CNTN5: variants seen among roughly 807,000 people sequenced by gnomAD.
CNTN5 encodes the protein contactin-5.
In CNTN5, 77 loss-of-function variants were observed where a neutral mutation model predicts 129.1. The observed-to-expected ratio is 0.60, with a 90% CI of 0.50 to 0.72. CNTN5 has a LOEUF of 0.72. Ranked by LOEUF, CNTN5 falls within the 30% of genes least tolerant of loss-of-function variation. The pLI, the probability that CNTN5 is intolerant of heterozygous loss-of-function variation, is 0.00. For synonymous variants in CNTN5, 509 were observed against 465.6 expected (o/e 1.09, Z -1.20); for missense variants, 1,478 against 1,328.8 (o/e 1.11, Z -1.75).
chr11:100,023,481 C>T (rs1015986551), intron 9 of CNTN5, among the ~76,000 whole-genome samples: 1 of 152,214 alleles, frequency 6.6e-6, no homozygotes, highest in African/African-American at 2.4e-5. Flanking sequence ...ACATTTTTTA[C>T]AACTGAGACA....
chr11:99,082,921 G>A (rs888276116), intron 1 of CNTN5, among the ~76,000 whole-genome samples: 8 of 151,978 alleles, frequency 5.3e-5, no homozygotes, highest in African/African-American at 1.2e-4. Flanking sequence ...AGGGAAATAC[G>A]CCAGAATCTT....
At chr11:99,823,298 T>C (rs1042532120) in intron 4 of CNTN5, among the ~76,000 whole-genome samples, 1 of 152,212 alleles carries the variant, frequency 6.6e-6, no homozygotes, top group African/African-American at 2.4e-5. Flanking sequence ...CTTTAAAGTT[T>C]CCTTTATATG....
chr11:100,091,923 A>G (rs962139470), intron 13 of CNTN5, among the ~76,000 whole-genome samples: 1 of 152,098 alleles, frequency 6.6e-6, no homozygotes, highest in East Asian at 1.9e-4. Context: ...CCATGACTCA[A>G]CCTCACAAAA....
chr11:100,200,589 G>A (rs1274256910), intron 15 of CNTN5, among the ~76,000 whole-genome samples: 1 of 151,830 alleles, frequency 6.6e-6, no homozygotes, highest in Admixed American at 6.6e-5. Flanking sequence ...TATTGTCAGA[G>A]AGAGAATATA....
At chr11:100,196,969 G>T (rs569801168) in intron 15 of CNTN5, among the ~76,000 whole-genome samples, 1 of 152,080 alleles carries the variant, frequency 6.6e-6, no homozygotes, top group Non-Finnish European at 1.5e-5. Flanking sequence ...CCATTTAAGG[G>T]TAGAAATTGC....
At chr11:100,239,627 A>G (rs1042897341) in intron 16 of CNTN5, among the ~76,000 whole-genome samples, 1 of 152,206 alleles carries the variant, frequency 6.6e-6, no homozygotes, top group Non-Finnish European at 1.5e-5. Flanking sequence ...ACACTAAAAG[A>G]TTTGAAAATA....
intron 1 of CNTN5, among the ~76,000 whole-genome samples, chr11:99,052,842 A>G (rs1287432494): frequency 1.3e-5 from 2 of 151,892 alleles, no homozygotes; most frequent in Non-Finnish European, 2.9e-5. Flanking sequence ...GCCTAGTCTC[A>G]GACTTTTTCA....
intron 3 of CNTN5, among the ~76,000 whole-genome samples, chr11:99,814,432 A>G (rs1946518991): frequency 6.6e-6 from 1 of 152,204 alleles, no homozygotes; most frequent in South Asian, 2.1e-4. Flanking sequence ...GACCAGGAAA[A>G]TGAAGTAGTG....
chr11:99,399,847 A>G (rs1416299365), intron 2 of CNTN5, among the ~76,000 whole-genome samples: 1 of 151,164 alleles, frequency 6.6e-6, no homozygotes, highest in Non-Finnish European at 1.5e-5. Flanking sequence ...CTTTTTTTCT[A>G]TAATTTTTTA....
intron 20 of CNTN5, among the ~76,000 whole-genome samples, chr11:100,303,535 A>G (rs1020782056): frequency 2.0e-4 from 30 of 149,296 alleles, no homozygotes; most frequent in African/African-American, 7.1e-4. Context: ...ACAGTTAATT[A>G]TAGGTTGAAA....
chr11:100,251,755 C>G (rs1158304953), intron 16 of CNTN5, among the ~76,000 whole-genome samples: 2 of 152,094 alleles, frequency 1.3e-5, no homozygotes, highest in East Asian at 1.9e-4. Context: ...GAATTACATT[C>G]TTTTTATGGC....
At chr11:99,348,262 C>T (rs11219504) in intron 2 of CNTN5, among the ~76,000 whole-genome samples, 150,307 of 151,844 alleles carry the variant, frequency 0.99, 74,413 homozygotes, top group East Asian at 1. Flanking sequence ...TGGCGTGAAC[C>T]CAGGAGGCGG....
intron 2 of CNTN5, among the ~76,000 whole-genome samples, chr11:99,440,252 G>A (rs565476685): frequency 8.9e-4 from 136 of 151,984 alleles, no homozygotes; most frequent in Middle Eastern, 3.4e-3. Context: ...GAGTTAAAAG[G>A]GATATATTTT....
At chr11:99,910,280 A>AT (rs1316779997) in intron 6 of CNTN5, among the ~76,000 whole-genome samples, 1 of 151,932 alleles carries the variant, frequency 6.6e-6, no homozygotes, top group East Asian at 1.9e-4. Context: ...AAAAACCTTC[A>AT]TTTTTCTATG....
chr11:99,606,576 T>C (rs891186800), intron 3 of CNTN5, among the ~76,000 whole-genome samples: 14 of 139,976 alleles, frequency 1.0e-4, no homozygotes, highest in Non-Finnish European at 1.9e-4. Flanking sequence ...ATGACTTTCT[T>C]CAAAGAATTG....
chr11:99,830,398 G>A (rs1332333452), intron 4 of CNTN5, among the ~76,000 whole-genome samples: 4 of 151,974 alleles, frequency 2.6e-5, no homozygotes, highest in African/African-American at 4.8e-5. Flanking sequence ...CAGTACTTTT[G>A]GCTAAATTTT....
At chr11:100,058,836 C>A (rs1352138530) in intron 9 of CNTN5, among the ~76,000 whole-genome samples, 1 of 152,056 alleles carries the variant, frequency 6.6e-6, no homozygotes, top group African/African-American at 2.4e-5. Flanking sequence ...ATACACAAAG[C>A]ATTTTGTTAT....
At chr11:99,931,214 C>T (rs968628549) in intron 7 of CNTN5, among the ~76,000 whole-genome samples, 1 of 152,044 alleles carries the variant, frequency 6.6e-6, no homozygotes, top group African/African-American at 2.4e-5. Context: ...TTGTTCTTTT[C>T]ATTGCTTTTC....
chr11:99,189,968 A>C (rs945703784), intron 1 of CNTN5, among the ~76,000 whole-genome samples: 1 of 151,538 alleles, frequency 6.6e-6, no homozygotes, highest in African/African-American at 2.4e-5. Flanking sequence ...TTCCTATCCA[A>C]AAAAATATTG....
Sources: gnomAD v4.1 joint callset for allele counts (sites outside exome capture counted in the v4.1 genomes callset) on GRCh38, gnomAD v4.1.1 for gene constraint, MANE v1.5 for transcripts, NCBI Gene and HGNC (gene_info 2026-07-23, HGNC 2026-07-21) for gene names.